Variants in ANLN observed in about 807,000 individuals in gnomAD.
ANLN encodes the protein anillin, actin binding protein.
ANLN carries 59 observed loss-of-function variants against 135.1 expected under a neutral mutation model. That is an observed-to-expected ratio of 0.44 (90% CI 0.35 to 0.54). ANLN has a LOEUF of 0.54. Ranked by LOEUF, ANLN falls within the 20% of genes least tolerant of loss-of-function variation. The pLI, the probability that ANLN is intolerant of heterozygous loss-of-function variation, is 0.00. For synonymous variants in ANLN, 406 were observed against 456.4 expected, an observed-to-expected ratio of 0.89 and a Z score of 1.41; for missense variants, 1,182 against 1,340.0, an observed-to-expected ratio of 0.88 and a Z score of 1.84.
intron 22 of ANLN, among the ~76,000 whole-genome samples, chr7:36,446,794 A>G (rs1276701845): frequency 1.3e-5 from 2 of 152,148 alleles, no homozygotes; most frequent in African/African-American, 2.4e-5. Flanking sequence ...ACTGATCCAC[A>G]ATGCCATTTC....
At chr7:36,440,864 T>A (rs1209519453) in intron 21 of ANLN, among the ~76,000 whole-genome samples, 5 of 152,224 alleles carry the variant, frequency 3.3e-5, no homozygotes, top group African/African-American at 9.6e-5. Context: ...CTTGCTTTGG[T>A]GTTCTCTGTG....
Position 36,422,762 on chromosome 7 carries a change from G to A in ANLN, c.2429G>A (p.Arg810His), listed in dbSNP as rs371035041. The change falls in exon 14 of 24, where the codon CGC (arginine) becomes CAC (histidine). Residue 810 changes from arginine to histidine, a missense_variant. Transcript: ENST00000265748. ...GGATCAGTTACTTTGTCAGAAATCCGCTTGCCTCTAAAAGCAGATTTTGTC... is the reference window on the plus strand; with the variant it reads ...GGATCAGTTACTTTGTCAGAAATCCACTTGCCTCTAAAAGCAGATTTTGTC... ...SKGSVTLSEI[R>H]LPLKADFVCS... The A allele has an allele frequency of 1.2e-6, 2 of 1,613,090 alleles. No individual in the cohort carries two copies. Among genetic ancestry groups the A allele is most frequent in the Non-Finnish European group, 1.7e-6 (2 of 1,179,638 alleles).
chr7:36,449,647 C>A lies in ANLN; in HGVS notation c.3079-18C>A. ...ATAGTCTTATTTTCTACTAATTTCT[C>A]TTAATTTGTTTTTAAAGAATCCCAT... is the stretch of plus-strand genomic sequence containing the variant. On this transcript the variant is annotated intron_variant, in intron 22 of 23. Transcript: ENST00000265748. The A allele has an allele frequency of 6.3e-7, 1 of 1,591,160 alleles. No individual in the cohort carries two copies.
rs146340773 is a variant in ANLN at position 36,399,176 on chromosome 7, G to A, written c.270G>A (p.Ser90=). The A allele has an allele frequency of 3.1e-6, 5 of 1,613,872 alleles. No homozygotes were observed. The highest frequency in any genetic ancestry group is 3.3e-5 in the Admixed American group (2 of 59,990). Residue 90 remains serine (S), a synonymous_variant, in exon 3 of 24, where the codon TCG becomes TCA. Transcript: ENST00000265748. ...TGGAAAATAAACAACCAGTTGAGTCGACATCTGCAAAATCTTGTTCTCCAA... is the reference window on the plus strand; with the variant it reads ...TGGAAAATAAACAACCAGTTGAGTCAACATCTGCAAAATCTTGTTCTCCAA... ...SNLENKQPVE[S]TSAKSCSPSP...
intron 2 of ANLN, among the ~76,000 whole-genome samples, chr7:36,398,061 A>C (rs1786781005): frequency 6.6e-6 from 1 of 152,228 alleles, no homozygotes; most frequent in Admixed American, 6.5e-5. Context: ...TTGTTTAGGC[A>C]GTTGATGAAA....
chr7:36,420,047 T>C, intron 10 of ANLN, 122 bp from the exon 11 acceptor site: 6 of 930,954 alleles, frequency 6.4e-6, no homozygotes, highest in Non-Finnish European at 4.7e-6. Context: ...TTTGTTTTTA[T>C]GATGAATCAA....
rs375461157 is a variant in ANLN at position 36,390,136 on chromosome 7, G to T, written c.18+92G>T. The T allele has an allele frequency of 3.8e-6, 6 of 1,597,318 alleles. No individual in the cohort carries two copies. In the African/African-American group the frequency reaches 4.0e-5, roughly 11 times the overall value. On this transcript the variant is annotated intron_variant, in intron 1 of 23. Transcript: ENST00000265748. ...TCAACCTCTGGGCGAACCCCCACCG[G>T]GCGGAGGGCGCGTGTGTGCGCGCGT...
At chr7:36,427,719 A>G (rs535343211) in intron 20 of ANLN, among the ~76,000 whole-genome samples, 1 of 152,314 alleles carries the variant, frequency 6.6e-6, no homozygotes, top group African/African-American at 2.4e-5. Flanking sequence ...CAAGACAGTG[A>G]AAGGTAGATT....
chr7:36,418,792 C>A (rs948332741), intron 9 of ANLN, among the ~76,000 whole-genome samples: 2 of 146,308 alleles, frequency 1.4e-5, no homozygotes, highest in South Asian at 2.1e-4. Flanking sequence ...TCACTCTTGT[C>A]CCCCAGGCTA....
chr7:36,452,713 C>A lies in ANLN; in HGVS notation c.*113C>A. ...TGCTTTAAGTACGAAAGGGTTTGTGCCAATATTCACTACGTATTATGCAGT... is the reference window on the plus strand; with the variant it reads ...TGCTTTAAGTACGAAAGGGTTTGTGACAATATTCACTACGTATTATGCAGT... On this transcript the variant is annotated 3_prime_UTR_variant, in exon 24 of 24. Coordinates refer to ENST00000265748, the MANE Select transcript of ANLN (RefSeq NM_018685.5). The A allele has an allele frequency of 8.1e-7, 1 of 1,234,586 alleles. No individual in the cohort carries two copies. Among genetic ancestry groups the A allele is most frequent in the Non-Finnish European group, 1.1e-6 (1 of 875,000 alleles). The allele number at this position is 1,234,586 out of a possible 1,614,324, so 76.5% of individuals were successfully genotyped here.
chr7:36,390,226 G>T (rs1028987871), intron 1 of ANLN, 182 bp downstream of exon 1: 3 of 941,390 alleles, frequency 3.2e-6, no homozygotes, highest in Admixed American at 5.2e-5. Flanking sequence ...GTTCCTCTGA[G>T]ATTTTGTTGT....
chr7:36,399,134 A>G lies in ANLN; in HGVS notation c.228A>G (p.Glu76=). ...AAAAACGCTGTTCTGACAACACTGAAGTAGAAGTTTCTAACTTGGAAAATA... is the reference window on the plus strand; with the variant it reads ...AAAAACGCTGTTCTGACAACACTGAGGTAGAAGTTTCTAACTTGGAAAATA... ...PSKKRCSDNT[E]VEVSNLENKQ... The change falls in exon 3 of 24, where the codon GAA becomes GAG. Residue 76 remains glutamate, a synonymous_variant. Coordinates refer to ENST00000265748, the MANE Select transcript of ANLN (RefSeq NM_018685.5). The G allele has an allele frequency of 5.6e-6, 9 of 1,614,180 alleles. No homozygotes were observed. The highest frequency in any genetic ancestry group is 7.6e-6 in the Non-Finnish European group (9 of 1,180,036).
chr7:36,447,121 CTTACCAT>C (rs968379781), intron 22 of ANLN, among the ~76,000 whole-genome samples: 38 of 152,328 alleles, frequency 2.5e-4, no homozygotes, highest in Non-Finnish European at 3.2e-4. Context: ...TAATTAAGCA[CTTACCAT>C]TTACTGTGGT....
chr7:36,432,180 T>C (rs1788359241), intron 20 of ANLN, among the ~76,000 whole-genome samples: 1 of 152,176 alleles, frequency 6.6e-6, no homozygotes, highest in Admixed American at 6.5e-5. Flanking sequence ...CAGTGAGCTA[T>C]GATCACGCCA....
chr7:36,412,350 T>C (rs1327481848), intron 7 of ANLN, among the ~76,000 whole-genome samples: 2 of 134,720 alleles, frequency 1.5e-5, no homozygotes, highest in Middle Eastern at 3.9e-3. Context: ...TTTTTTGACA[T>C]GGAGTTTCAC....
At chr7:36,430,114 CTTGAAG>C (rs1788252687) in intron 20 of ANLN, among the ~76,000 whole-genome samples, 1 of 152,152 alleles carries the variant, frequency 6.6e-6, no homozygotes, top group South Asian at 2.1e-4. Context: ...TTTGAATGGT[CTTGAAG>C]TTGGTGGGAA....
chr7:36,448,355 A>G (rs1372782371), intron 22 of ANLN, among the ~76,000 whole-genome samples: 1 of 152,234 alleles, frequency 6.6e-6, no homozygotes, highest in Non-Finnish European at 1.5e-5. Context: ...AAATGTACAC[A>G]AAGCAAAAAT....
At chr7:36,424,833 T>G in intron 17 of ANLN, 91 bp downstream of exon 17, 1 of 1,327,852 alleles carries the variant, frequency 7.5e-7, no homozygotes, top group South Asian at 1.4e-5. Flanking sequence ...CTTTTAATGA[T>G]TAGGAAGTTT....
intron 21 of ANLN, among the ~76,000 whole-genome samples, chr7:36,441,035 T>G (rs992466181): frequency 6.6e-6 from 1 of 152,204 alleles, no homozygotes; most frequent in African/African-American, 2.4e-5. Flanking sequence ...CAGTATTTTT[T>G]CCTTCCTTAT....
Sources: allele counts gnomAD v4.1 joint callset (sites outside exome capture counted in the v4.1 genomes callset), GRCh38; gene constraint gnomAD v4.1.1; transcripts MANE v1.5; gene names NCBI Gene and HGNC (gene_info 2026-07-23, HGNC 2026-07-21).